The following OR14A2 variants were observed in gnomAD, a reference collection of about 807,000 sequenced individuals.
The protein encoded by OR14A2 is olfactory receptor 14A2.
For missense variants in OR14A2, 237 were observed against 152.9 expected (o/e 1.55, Z -2.90); for synonymous variants, 114 against 58.6 (o/e 1.95, Z -4.32).
At chr1:247,724,319 C>T (rs1176292142), upstream of OR14A2, among the ~76,000 whole-genome samples, 1 of 151,988 alleles carries the variant, frequency 6.6e-6, no homozygotes, top group Non-Finnish European at 1.5e-5. Flanking sequence ...TAATTTGTTA[C>T]AAGACACATG....
At chr1:247,746,010 A>AG in the OR14A2 span, among the ~76,000 whole-genome samples, 1 of 152,218 alleles carries the variant, frequency 6.6e-6, no homozygotes, top group Admixed American at 6.5e-5. Context: ...ACCTTAAAAC[A>AG]GGGAAAAACC....
At chr1:247,723,180 G>A (rs1035987793) in exon 1 of OR14A2, 1 of 717,736 alleles carries the variant, frequency 1.4e-6, no homozygotes, top group Non-Finnish European at 2.6e-6. Context: ...TCCGCAGGCT[G>A]TAGGTTACAG....
chr1:247,743,111 A>G, the OR14A2 span, among the ~76,000 whole-genome samples: 2 of 152,176 alleles, frequency 1.3e-5, no homozygotes, highest in Admixed American at 6.5e-5. Context: ...TCCACTTCAA[A>G]TTTCATAAAG....
the OR14A2 span, among the ~76,000 whole-genome samples, chr1:247,741,480 A>G: frequency 6.6e-6 from 1 of 152,200 alleles, no homozygotes; most frequent in African/African-American, 2.4e-5. Flanking sequence ...TTTGAGTTGA[A>G]TCCCTGTTAT....
the OR14A2 span, among the ~76,000 whole-genome samples, chr1:247,734,790 CT>C: frequency 2.0e-5 from 3 of 152,194 alleles, no homozygotes; most frequent in Non-Finnish European, 4.4e-5. Flanking sequence ...TAAACGTCAA[CT>C]TCGCAATGAA....
At chr1:247,724,511 T>C (rs535639597), upstream of OR14A2, among the ~76,000 whole-genome samples, 22 of 152,276 alleles carry the variant, frequency 1.4e-4, no homozygotes, top group Middle Eastern at 6.8e-3. Flanking sequence ...TCATGTGATG[T>C]TGTAAACATG....
the OR14A2 span, among the ~76,000 whole-genome samples, chr1:247,743,069 T>C: frequency 6.6e-6 from 1 of 152,226 alleles, no homozygotes; most frequent in African/African-American, 2.4e-5. Context: ...TAAGTGTACT[T>C]GAAACAACCA....
At chr1:247,727,371 G>A (rs1222733004), upstream of OR14A2, among the ~76,000 whole-genome samples, 2 of 151,018 alleles carry the variant, frequency 1.3e-5, no homozygotes, top group African/African-American at 4.9e-5. Context: ...TGTGACTTTT[G>A]TACATTGATT....
the OR14A2 span, chr1:247,746,802 G>A: frequency 6.6e-6 from 1 of 152,240 alleles, no homozygotes; most frequent in African/African-American, 2.4e-5. Context: ...AGTCATTCCT[G>A]CCTCTGACCA....
the OR14A2 span, among the ~76,000 whole-genome samples, chr1:247,730,102 G>T: frequency 6.6e-6 from 1 of 151,966 alleles, no homozygotes; most frequent in Non-Finnish European, 1.5e-5. Context: ...AAACAAAGCT[G>T]CCAAATAGAA....
chr1:247,745,197 C>T, the OR14A2 span, among the ~76,000 whole-genome samples: 1 of 151,016 alleles, frequency 6.6e-6, no homozygotes, highest in Non-Finnish European at 1.5e-5. Flanking sequence ...TTAATAAAGC[C>T]ATTGTGATCT....
chr1:247,726,005 T>A (rs1374894534), upstream of OR14A2, among the ~76,000 whole-genome samples: 1 of 145,240 alleles, frequency 6.9e-6, no homozygotes, highest in Non-Finnish European at 1.5e-5. Context: ...TGTGCATGTG[T>A]CTTTATAGCA....
upstream of OR14A2, chr1:247,724,102 G>A: frequency 1.6e-6 from 1 of 628,822 alleles, no homozygotes; most frequent in Admixed American, 2.9e-5. Context: ...GAATAAAGGA[G>A]AAAAAAATTA....
At chr1:247,724,045 C>T (rs773226446), upstream of OR14A2, 1 of 698,620 alleles carries the variant, frequency 1.4e-6, no homozygotes, top group Non-Finnish European at 2.6e-6. Flanking sequence ...ATTGGCCATA[C>T]TAGATTCTCT....
the OR14A2 span, among the ~76,000 whole-genome samples, chr1:247,732,892 T>A: frequency 6.6e-6 from 1 of 152,038 alleles, no homozygotes; most frequent in Non-Finnish European, 1.5e-5. Context: ...CAGGATATGT[T>A]TGTAGTAAAG....
the OR14A2 span, among the ~76,000 whole-genome samples, chr1:247,737,037 T>A: frequency 6.6e-6 from 1 of 152,182 alleles, no homozygotes; most frequent in Non-Finnish European, 1.5e-5. Context: ...CCTTAAGAGA[T>A]CCTCTGGCCT....
At chr1:247,739,210 C>CCATTGG in the OR14A2 span, 1 of 780,824 alleles carries the variant, frequency 1.3e-6, no homozygotes, top group Non-Finnish European at 2.4e-6. Flanking sequence ...GTCAGTGTGG[C>CCATTGG]CATTGGGGTC....
chr1:247,739,098 T>C, the OR14A2 span: 1 of 780,848 alleles, frequency 1.3e-6, no homozygotes, highest in South Asian at 1.3e-5. Context: ...AGCTGGAACA[T>C]TCTCTCTGAA....
At chr1:247,724,434 C>A, upstream of OR14A2, among the ~76,000 whole-genome samples, 1 of 152,038 alleles carries the variant, frequency 6.6e-6, no homozygotes, top group African/African-American at 2.4e-5. Context: ...AAAAGCAATC[C>A]AAAGGCCCAT....
Sources: allele counts gnomAD v4.1 joint callset (sites outside exome capture counted in the v4.1 genomes callset), GRCh38; gene constraint gnomAD v4.1.1; transcripts MANE v1.5; gene names NCBI Gene and HGNC (gene_info 2026-07-23, HGNC 2026-07-21).